SNX18: variants seen among roughly 807,000 people sequenced by gnomAD.
SNX18 encodes sorting nexin-18.
A neutral mutation model predicts 48.7 loss-of-function variants in SNX18; 35 were observed. The observed-to-expected ratio is 0.72, with a 90% CI of 0.55 to 0.95. The LOEUF (loss-of-function observed/expected upper bound fraction) is 0.95. SNX18 is among the 40% of genes least tolerant of loss of function. SNX18 has a pLI of 0.00. For missense variants in SNX18, 824 were observed against 871.0 expected (o/e 0.95, Z 0.68); for synonymous variants, 492 against 384.7 (o/e 1.28, Z -3.26).
Position 54,518,207 on chromosome 5 carries a change from C to A in SNX18, c.255C>A (p.Gly85=). The change falls in exon 1 of 2, where the codon GGC becomes GGA. Residue 85 remains glycine (G), a synonymous_variant. Transcript: ENST00000381410. ...GCTACGCCAATGTGCCCCCCGGGGGCTTCGAGCCCCTGCCTGTCGCGCCCC... is the reference window on the plus strand; with the variant it reads ...GCTACGCCAATGTGCCCCCCGGGGGATTCGAGCCCCTGCCTGTCGCGCCCC... ...PARYANVPPG[G]FEPLPVAPPA... is the part of the protein sequence containing the mutation. The A allele has an allele frequency of 7.1e-7, 1 of 1,399,456 alleles. No homozygotes were observed. Among genetic ancestry groups the A allele is most frequent in the Admixed American group, 3.6e-5 (1 of 28,100 alleles). The allele number at this position is 1,399,456 out of a possible 1,614,324, so 86.7% of individuals were successfully genotyped here.
chr5:54,595,336 A>G, the SNX18 span, among the ~76,000 whole-genome samples: 3 of 152,136 alleles, frequency 2.0e-5, no homozygotes, highest in African/African-American at 7.2e-5. Flanking sequence ...CTCAGGTTCA[A>G]GAGATTCTCC....
In SNX18 at chr5:54,543,537, G is replaced by A. The variant is rs1762512563; in HGVS notation, c.*105G>A. 1.4e-6 allele frequency: 2 copies of A among 1,396,680 alleles called. No individual in the cohort carries two copies. The highest frequency in any genetic ancestry group is 2.0e-6 in the Non-Finnish European group (2 of 1,024,132). 86.5% of individuals were successfully genotyped at this position (1,396,680 alleles called of 1,614,324 possible). A position where few individuals can be genotyped will look rare whatever the true frequency, so the allele number is the denominator to read the frequency against. ...TTGCCAGCTATCAGTGGTGGTACAA[G>A]GACGGTTTTGTGTTCATCTGAAACC... On this transcript the variant is annotated 3_prime_UTR_variant, in exon 2 of 2. Transcript: ENST00000381410.
intron 1 of SNX18, among the ~76,000 whole-genome samples, chr5:54,523,328 A>G (rs945071519): frequency 1.3e-5 from 2 of 152,198 alleles, no homozygotes; most frequent in African/African-American, 4.8e-5. Context: ...GATATGATCA[A>G]TCTCTAATAT....
At chr5:54,622,297 G>A in the SNX18 span, among the ~76,000 whole-genome samples, 4 of 152,124 alleles carry the variant, frequency 2.6e-5, no homozygotes, top group Non-Finnish European at 5.9e-5. Context: ...CCAGGAGTTC[G>A]AGACCAACCT....
At chr5:54,588,351 G>A in the SNX18 span, among the ~76,000 whole-genome samples, 7 of 74,732 alleles carry the variant, frequency 9.4e-5, no homozygotes, top group Non-Finnish European at 1.4e-4. Flanking sequence ...TTTTTGAGAC[G>A]GAGTCTCTCA....
chr5:54,636,456 A>T, the SNX18 span, among the ~76,000 whole-genome samples: 2 of 152,156 alleles, frequency 1.3e-5, no homozygotes, highest in African/African-American at 4.8e-5. Context: ...AGTTGTATGC[A>T]TAACGGAAAC....
the SNX18 span, among the ~76,000 whole-genome samples, chr5:54,567,201 A>ATGTGTGTGTG: frequency 6.6e-6 from 1 of 151,512 alleles, no homozygotes; most frequent in African/African-American, 2.4e-5. Context: ...GGATGTGTGT[A>ATGTGTGTGTG]TGTGTGTGTG....
chr5:54,609,276 T>A, the SNX18 span, among the ~76,000 whole-genome samples: 1 of 152,122 alleles, frequency 6.6e-6, no homozygotes. Context: ...AAACCACACA[T>A]GGATATTAAC....
chr5:54,532,319 C>CT (rs57856245), intron 1 of SNX18, among the ~76,000 whole-genome samples: 76,114 of 130,666 alleles, frequency 0.58, 21,965 homozygotes, highest in Non-Finnish European at 0.64. Context: ...TTTTTTTTTT[C>CT]TTTTTTTTTT....
rs755774566 is a variant in SNX18, at chr5:54,518,240, C to T, written c.288C>T (p.Ser96=). Residue 96 remains serine, a synonymous_variant, in exon 1 of 2, where the codon TCC becomes TCT. Transcript: ENST00000381410. ...CCCTGCCTGTCGCGCCCCCCGCCTC[C>T]TTCAAGCCGCCGCCTGACGCCTTCC... ...FEPLPVAPPA[S]FKPPPDAFQA... 2.0e-5 allele frequency: 29 copies of T among 1,449,876 alleles called. No individual in the cohort carries two copies. Among genetic ancestry groups the T allele is most frequent in the Admixed American group, 5.4e-5 (2 of 37,270 alleles). 89.8% of individuals were successfully genotyped at this position (1,449,876 alleles called of 1,614,324 possible). A position where few individuals can be genotyped will look rare whatever the true frequency, so the allele number is the denominator to read the frequency against.
At chr5:54,612,574 T>A in the SNX18 span, among the ~76,000 whole-genome samples, 1 of 152,128 alleles carries the variant, frequency 6.6e-6, no homozygotes, top group Non-Finnish European at 1.5e-5. Context: ...AGGGTGGGAT[T>A]TTTAAACTTG....
the SNX18 span, among the ~76,000 whole-genome samples, chr5:54,568,554 G>A: frequency 1.7e-4 from 26 of 152,276 alleles, no homozygotes; most frequent in African/African-American, 6.0e-4. Flanking sequence ...CCAAAGGAAG[G>A]GGTGGTTGTT....
chr5:54,525,550 A>G (rs1055479489), intron 1 of SNX18, among the ~76,000 whole-genome samples: 4 of 152,154 alleles, frequency 2.6e-5, no homozygotes, highest in African/African-American at 9.6e-5. Flanking sequence ...TGTATTGCAC[A>G]CCGGAAGTAA....
At chr5:54,529,494 A>G (rs1323269117) in intron 1 of SNX18, among the ~76,000 whole-genome samples, 2 of 152,232 alleles carry the variant, frequency 1.3e-5, no homozygotes, top group Non-Finnish European at 2.9e-5. Context: ...TAAAATGCTT[A>G]CTGTCTGGCC....
chr5:54,539,119 A>G (rs527572271), intron 1 of SNX18, among the ~76,000 whole-genome samples: 1 of 152,052 alleles, frequency 6.6e-6, no homozygotes, highest in Non-Finnish European at 1.5e-5. Flanking sequence ...TGCAGCCTGG[A>G]ATTCCTGGAC....
chr5:54,563,961 A>T, the SNX18 span, among the ~76,000 whole-genome samples: 1 of 152,150 alleles, frequency 6.6e-6, no homozygotes, highest in African/African-American at 2.4e-5. Context: ...TTTCAACTTA[A>T]CATTTCCTTG....
chr5:54,562,060 A>G, the SNX18 span, among the ~76,000 whole-genome samples: 1 of 152,252 alleles, frequency 6.6e-6, no homozygotes, highest in Non-Finnish European at 1.5e-5. Context: ...AAGTATTCTA[A>G]TAACATTCAC....
the SNX18 span, among the ~76,000 whole-genome samples, chr5:54,591,658 G>C: frequency 1.3e-5 from 2 of 152,370 alleles, no homozygotes; most frequent in Admixed American, 1.3e-4. Context: ...CTAGTAGAAA[G>C]AGAAATATCT....
the SNX18 span, among the ~76,000 whole-genome samples, chr5:54,569,854 C>T: frequency 2.6e-5 from 4 of 152,126 alleles, no homozygotes; most frequent in African/African-American, 9.7e-5. Flanking sequence ...GGAAGCCCAC[C>T]CAGATTCATG....
Sources: gnomAD v4.1 joint callset for allele counts (sites outside exome capture counted in the v4.1 genomes callset) on GRCh38, gnomAD v4.1.1 for gene constraint, MANE v1.5 for transcripts, NCBI Gene and HGNC (gene_info 2026-07-23, HGNC 2026-07-21) for gene names.